CKAP2L: variants seen among roughly 807,000 people sequenced by gnomAD.
The protein encoded by CKAP2L is cytoskeleton associated protein 2L, also known as cytoskeleton-associated protein 2-like.
A neutral mutation model predicts 65.7 loss-of-function variants in CKAP2L; 42 were observed. The ratio of observed to expected loss-of-function variants is 0.64; its 90% CI spans 0.50 to 0.83. CKAP2L has a LOEUF of 0.83. CKAP2L is among the 40% of genes least tolerant of loss of function. CKAP2L has a pLI of 0.00. For missense variants in CKAP2L, 908 were observed against 871.0 expected, an observed-to-expected ratio of 1.04 and a Z score of -0.53; for synonymous variants, 325 against 313.5, an observed-to-expected ratio of 1.04 and a Z score of -0.39.
chr2:112,739,193 T>C (rs768745679), intron 8 of CKAP2L, 145 bp from the exon 9 acceptor site: 11 of 660,342 alleles, frequency 1.7e-5, no homozygotes, highest in Non-Finnish European at 2.3e-5. Flanking sequence ...AGCTTTCATC[T>C]TCAGATGGCT....
At chr2:112,739,705 A>C (rs182364683) in intron 8 of CKAP2L, among the ~76,000 whole-genome samples, 2 of 152,324 alleles carry the variant, frequency 1.3e-5, no homozygotes, top group South Asian at 4.1e-4. Context: ...CCCAGGCTAG[A>C]GTCCAGTGGT....
At chr2:112,744,735 G>A (rs1306007799) in intron 6 of CKAP2L, among the ~76,000 whole-genome samples, 2 of 152,132 alleles carry the variant, frequency 1.3e-5, no homozygotes, top group African/African-American at 2.4e-5. Context: ...AGCTTAAGAG[G>A]AAAGACCTAA....
chr2:112,741,606 C>T (rs1679970725), intron 7 of CKAP2L, among the ~76,000 whole-genome samples: 1 of 152,208 alleles, frequency 6.6e-6, no homozygotes, highest in Non-Finnish European at 1.5e-5. Flanking sequence ...GGATTCCTGT[C>T]TTCTCTTTTT....
rs762543641 is a variant in CKAP2L, at chr2:112,756,884, T to C, written c.487A>G (p.Ile163Val). 9 of 1,613,148 alleles carry C rather than the reference T, an allele frequency of 5.6e-6. No individual in the cohort carries two copies. The highest frequency in any genetic ancestry group is 6.8e-6 in the Non-Finnish European group (8 of 1,179,624). ...ACATGGATATTATTCATAAAGTCTATACATTTACCATTTCCTTGATCTGTT... is the reference window on the plus strand; with the variant it reads ...ACATGGATATTATTCATAAAGTCTACACATTTACCATTTCCTTGATCTGTT... The part of the protein sequence containing the change: ...QLTDQGNGKC[I>V]DFMNNIHVEN... Residue 163 changes from isoleucine to valine, a missense_variant, in exon 4 of 9, where the codon ATA (isoleucine) becomes GTA (valine). Ile to Val is a conservative substitution (Grantham distance 29). Coordinates refer to ENST00000302450, the MANE Select transcript of CKAP2L (RefSeq NM_152515.5).
intron 4 of CKAP2L, 124 bp from the exon 5 acceptor site, chr2:112,752,598 A>C (rs1680406684): frequency 4.4e-6 from 3 of 678,554 alleles, no homozygotes; most frequent in Non-Finnish European, 7.3e-6. Context: ...AATCAGGAGA[A>C]TGGAATTAAA....
At chr2:112,755,933 C>G (rs760875154) in intron 4 of CKAP2L, 44 bp downstream of exon 4, 1 of 1,511,412 alleles carries the variant, frequency 6.6e-7, no homozygotes, top group Non-Finnish European at 8.8e-7. Flanking sequence ...GTCAATTTGC[C>G]TAATCATCTT....
At chr2:112,750,877 G>A (rs1233917602) in intron 5 of CKAP2L, among the ~76,000 whole-genome samples, 2 of 150,358 alleles carry the variant, frequency 1.3e-5, no homozygotes, top group African/African-American at 4.9e-5. Context: ...TATAAAAATA[G>A]ATGCAGACAT....
rs1218816171 is a variant in CKAP2L, at chr2:112,757,226, A to C, written c.157-12T>G. The C allele has an allele frequency of 1.2e-5, 19 of 1,540,392 alleles. No homozygotes were observed. The highest frequency in any genetic ancestry group is 1.7e-5 in the Non-Finnish European group (19 of 1,138,824). On this transcript the variant is annotated splice_polypyrimidine_tract_variant and intron_variant, in intron 3 of 8. Coordinates refer to ENST00000302450, the MANE Select transcript of CKAP2L (RefSeq NM_152515.5). ...TTGGGTCTAATAGTCTGAAAAAACAAAGAAAATACATATTAAAAAATCCTT... is the reference window on the plus strand; with the variant it reads ...TTGGGTCTAATAGTCTGAAAAAACACAGAAAATACATATTAAAAAATCCTT...
intron 5 of CKAP2L, among the ~76,000 whole-genome samples, chr2:112,750,974 C>G (rs990837820): frequency 1.3e-5 from 2 of 151,888 alleles, no homozygotes; most frequent in Admixed American, 6.6e-5. Flanking sequence ...AACCTGAGAT[C>G]TTTTAAAAAG....
Position 112,760,635 on chromosome 2 carries a change from G to T in CKAP2L, c.156+78C>A. ...TACCTTTCAAATACATGTTCTTTAGGTTGCTAACATCTTTATTATTTTTAT... is the reference window on the plus strand; with the variant it reads ...TACCTTTCAAATACATGTTCTTTAGTTTGCTAACATCTTTATTATTTTTAT... On this transcript the variant is annotated intron_variant, in intron 3 of 8. Transcript: ENST00000302450. 4.1e-6 allele frequency: 3 copies of T among 728,370 alleles called. No homozygotes were observed. In the South Asian group the frequency reaches 5.3e-5, roughly 13 times the overall value. The allele number at this position is 728,370 out of a possible 1,614,324, so 45.1% of individuals were successfully genotyped here. A position where few individuals can be genotyped will look rare whatever the true frequency, so the allele number is the denominator to read the frequency against.
chr2:112,740,947 T>C lies in CKAP2L; in HGVS notation c.1883A>G (p.Lys628Arg), dbSNP rs1387830264. 6.8e-6 allele frequency: 11 copies of C among 1,614,082 alleles called. No individual in the cohort carries two copies. The highest frequency in any genetic ancestry group is 8.5e-6 in the Non-Finnish European group (10 of 1,179,960). Residue 628 changes from lysine (K) to arginine (R), a missense_variant, in exon 8 of 9, where the codon AAG becomes AGG. By Grantham distance (26) the Lys-to-Arg change is conservative (BLOSUM62 2). Coordinates refer to ENST00000302450, the MANE Select transcript of CKAP2L (RefSeq NM_152515.5). ...TSITSVEELA[K>R]KMESVKSCLS... ...ACAAGACTTCACAGATTCCATCTTC[T>C]TGGCCAGCTCTTCCACTGATGTTAT...
intron 5 of CKAP2L, among the ~76,000 whole-genome samples, chr2:112,749,985 A>AT (rs1329910468): frequency 6.6e-6 from 1 of 151,842 alleles, no homozygotes. Flanking sequence ...CTCAGAGCCC[A>AT]CCTCCCTGTG....
intron 7 of CKAP2L, among the ~76,000 whole-genome samples, chr2:112,742,237 A>G (rs1275336775): frequency 3.9e-5 from 6 of 152,348 alleles, no homozygotes; most frequent in South Asian, 4.1e-4. Context: ...TTGGCACAAT[A>G]TATGTCTCAT....
At chr2:112,741,172 T>C (rs1225850151) in intron 7 of CKAP2L, among the ~76,000 whole-genome samples, 165 bp from the exon 8 acceptor site, 1 of 152,228 alleles carries the variant, frequency 6.6e-6, no homozygotes, top group Non-Finnish European at 1.5e-5. Flanking sequence ...AACTTGTTTT[T>C]TCACGTTAAG....
rs140336791 is a variant in CKAP2L, at chr2:112,752,689, C to T, written c.1395-215G>A. ...CAGACACCAAGATTCTAAGATCACA[C>T]GTGGCCAGCACTTCAGACTTCAAAT... On this transcript the variant is annotated intron_variant, in intron 4 of 8. Coordinates refer to ENST00000302450, the MANE Select transcript of CKAP2L (RefSeq NM_152515.5). 1.6e-4 allele frequency among the ~76,000 whole-genome samples: 25 copies of T among 152,280 alleles called. No homozygotes were observed. The East Asian group carries it at 4.0e-3, about 25-fold the overall frequency.
chr2:112,753,526 CTTT>C (rs59027525), intron 4 of CKAP2L, among the ~76,000 whole-genome samples: 3 of 100,374 alleles, frequency 3.0e-5, no homozygotes, highest in Non-Finnish European at 3.9e-5. Flanking sequence ...AGTTTCTTTT[CTTT>C]TTTTTTTTTT....
intron 5 of CKAP2L, among the ~76,000 whole-genome samples, chr2:112,751,558 G>A (rs555420809): frequency 2.0e-5 from 3 of 152,288 alleles, no homozygotes; most frequent in South Asian, 4.1e-4. Flanking sequence ...AAGAACTCAA[G>A]TTCAATTCCA....
chr2:112,756,995 C>T lies in CKAP2L; in HGVS notation c.376G>A (p.Ala126Thr). The change falls in exon 4 of 9, where the codon GCT becomes ACT. Residue 126 changes from alanine (A) to threonine (T), a missense_variant. Physicochemically the swap from Ala to Thr is moderately conservative, Grantham distance 58 (BLOSUM62 0). Coordinates refer to ENST00000302450, the MANE Select transcript of CKAP2L (RefSeq NM_152515.5). ...AGTTCTCCTGTTGTGGACGATCCAG[C>T]TTCACACTGTTGAAAACTCTTGCTA... Reference protein sequence around the residue: ...PSSKSFQQCEAGSSTTGELSR... With the variant: ...PSSKSFQQCETGSSTTGELSR... 1 of 1,614,218 alleles carries T rather than the reference C, an allele frequency of 6.2e-7. No homozygotes were observed. The highest frequency in any genetic ancestry group is 1.3e-5 in the African/African-American group (1 of 75,056).
chr2:112,764,580 T>TA lies in CKAP2L; in HGVS notation c.18dup (p.Thr7TyrfsTer37). The stretch of plus-strand genomic sequence containing the variant: ...TACTCACCGACAGCGGCAGCAGCGG[T>TA]AGGCCCGGGCCCCACCATGACTCTT... On this transcript the variant is annotated frameshift_variant, in exon 1 of 9. Coordinates refer to ENST00000302450, the MANE Select transcript of CKAP2L (RefSeq NM_152515.5). LOFTEE classifies it high-confidence loss of function. 1 of 1,614,044 alleles carries TA rather than the reference T, an allele frequency of 6.2e-7. No individual in the cohort carries two copies. Among genetic ancestry groups the TA allele is most frequent in the Non-Finnish European group, 8.5e-7 (1 of 1,179,996 alleles).
Sources: gnomAD v4.1 joint callset for allele counts (sites outside exome capture counted in the v4.1 genomes callset) on GRCh38, gnomAD v4.1.1 for gene constraint, MANE v1.5 for transcripts, NCBI Gene and HGNC (gene_info 2026-07-23, HGNC 2026-07-21) for gene names.